Variants in ETS1 observed in about 807,000 individuals in gnomAD.
The protein encoded by ETS1 is ETS proto-oncogene 1, transcription factor.
In ETS1, 15 loss-of-function variants were observed where a neutral mutation model predicts 58.6. The observed-to-expected ratio is 0.26, with a 90% CI of 0.17 to 0.39. The LOEUF is 0.39. Among genes scored for constraint, ETS1 ranks in the 10% least tolerant of loss-of-function variants. The pLI is 1.00. For missense variants in ETS1, 417 were observed against 610.5 expected (o/e 0.68, Z 3.34); for synonymous variants, 214 against 218.2 (o/e 0.98, Z 0.17).
At chr11:128,539,128 C>T (rs948014992) in intron 3 of ETS1, among the ~76,000 whole-genome samples, 2 of 152,176 alleles carry the variant, frequency 1.3e-5, no homozygotes, top group Non-Finnish European at 2.9e-5. Flanking sequence ...ATCTTCATAA[C>T]CTTGTGTTGG....
chr11:128,548,813 C>T (rs1166395763), intron 3 of ETS1, among the ~76,000 whole-genome samples: 2 of 152,256 alleles, frequency 1.3e-5, no homozygotes, highest in African/African-American at 4.8e-5. Flanking sequence ...GGTTAACCCT[C>T]CCGCCCTGCG....
At chr11:128,576,982 GGT>G (rs777156741) in intron 1 of ETS1, among the ~76,000 whole-genome samples, 21 of 152,208 alleles carry the variant, frequency 1.4e-4, no homozygotes, top group Non-Finnish European at 3.1e-4. Flanking sequence ...TTTCTATCAC[GGT>G]GCTTATCACA....
chr11:128,518,878 G>A (rs7116578), intron 3 of ETS1, among the ~76,000 whole-genome samples: 138,150 of 152,268 alleles, frequency 0.91, 62,809 homozygotes, highest in South Asian at 0.97. Context: ...TATTCTTATA[G>A]AACAGCAAGT....
At chr11:128,495,870 A>G (rs1862925148) in intron 3 of ETS1, among the ~76,000 whole-genome samples, 1 of 152,216 alleles carries the variant, frequency 6.6e-6, no homozygotes, top group Non-Finnish European at 1.5e-5. Context: ...GGTGGTGTCT[A>G]TATCCCTCAT....
intron 3 of ETS1, among the ~76,000 whole-genome samples, chr11:128,514,620 T>C (rs375261000): frequency 6.6e-6 from 1 of 152,168 alleles, no homozygotes; most frequent in Admixed American, 6.5e-5. Context: ...CCAACAGTCA[T>C]TGATCCACAC....
chr11:128,559,081 TC>T (rs1864362553), intron 2 of ETS1, among the ~76,000 whole-genome samples: 1 of 152,252 alleles, frequency 6.6e-6, no homozygotes, highest in South Asian at 2.1e-4. Context: ...AAACAAAAGA[TC>T]CTCGTAAAGT....
At chr11:128,533,869 T>C (rs573252939) in intron 3 of ETS1, among the ~76,000 whole-genome samples, 2 of 152,212 alleles carry the variant, frequency 1.3e-5, no homozygotes, top group Non-Finnish European at 1.5e-5. Context: ...TTAATAAGTG[T>C]TGGAAGAATA....
intron 2 of ETS1, among the ~76,000 whole-genome samples, chr11:128,564,800 T>A (rs1864463071): frequency 6.6e-6 from 1 of 152,090 alleles, no homozygotes; most frequent in Non-Finnish European, 1.5e-5. Flanking sequence ...GGTATGGAGA[T>A]GGAGACTGAG....
intron 3 of ETS1, among the ~76,000 whole-genome samples, chr11:128,492,044 G>A (rs1209948229): frequency 6.6e-6 from 1 of 152,170 alleles, no homozygotes; most frequent in Non-Finnish European, 1.5e-5. Flanking sequence ...GCAAAGAAAT[G>A]AGCTGAGAAT....
chr11:128,466,603 T>C (rs1315845057), intron 8 of ETS1, among the ~76,000 whole-genome samples: 2 of 152,158 alleles, frequency 1.3e-5, no homozygotes, highest in African/African-American at 4.8e-5. Context: ...CCCTGCCCTT[T>C]CTCTGTGATG....
chr11:128,575,684 T>G (rs576051532), intron 1 of ETS1, among the ~76,000 whole-genome samples: 1 of 152,322 alleles, frequency 6.6e-6, no homozygotes, highest in South Asian at 2.1e-4. Context: ...GATAAGTAGT[T>G]GGCCAACAAT....
intron 8 of ETS1, among the ~76,000 whole-genome samples, chr11:128,476,048 G>A (rs1862315069): frequency 6.6e-6 from 1 of 152,144 alleles, no homozygotes. Flanking sequence ...ATGGCTTTGG[G>A]TTTAGCCTTT....
intron 3 of ETS1, among the ~76,000 whole-genome samples, chr11:128,524,540 TATA>T (rs1178759595): frequency 2.0e-5 from 3 of 152,232 alleles, no homozygotes; most frequent in African/African-American, 7.2e-5. Context: ...ATATTTAAGA[TATA>T]ATAATCTGAT....
At position 128,522,286 on chromosome 11, in the gene ETS1, G is replaced by T. The variant is rs1483459485; in HGVS notation, c.215-31710C>A. 5 of 1,112,986 alleles carry T rather than the reference G, an allele frequency of 4.5e-6. No homozygotes were observed. In the South Asian group the frequency reaches 9.8e-5, roughly 22 times the overall value. 68.9% of individuals were successfully genotyped at this position (1,112,986 alleles called of 1,614,324 possible). A position where few individuals can be genotyped will look rare whatever the true frequency, so the allele number is the denominator to read the frequency against. The stretch of plus-strand genomic sequence containing the variant: ...CGCCCGCTCCCTCCTCTCCGCCGGC[G>T]GCTGCCTCGTTCGCTCTCGATCTCC... On this transcript the variant is annotated intron_variant, in intron 3 of 9. Coordinates refer to ENST00000392668, the MANE Select transcript of ETS1 (RefSeq NM_001143820.2).
intron 3 of ETS1, among the ~76,000 whole-genome samples, chr11:128,525,559 T>A (rs1413662887): frequency 6.9e-6 from 1 of 144,024 alleles, no homozygotes; most frequent in African/African-American, 2.6e-5. Flanking sequence ...CACTAACGGC[T>A]GATCCAGAAC....
intron 3 of ETS1, among the ~76,000 whole-genome samples, chr11:128,506,848 T>G (rs1863250602): frequency 6.6e-6 from 1 of 152,180 alleles, no homozygotes; most frequent in Admixed American, 6.5e-5. Context: ...CCACAGGTTC[T>G]AGGAGACGAA....
rs188961516 is a variant in ETS1 at position 128,510,944 on chromosome 11, T to G, written c.215-20368A>C. Among the ~76,000 whole-genome samples the G allele has an allele frequency of 3.6e-4, 55 of 152,374 alleles. 1 individual carries two copies. The highest frequency in any genetic ancestry group is 1.2e-4 in the Non-Finnish European group (8 of 68,040). On this transcript the variant is annotated intron_variant, in intron 3 of 9. Transcript: ENST00000392668. Reference sequence around the variant, plus strand: ...TTTGGTAAGGAACAACACATTGTTTTAGAGAGATAATCTGACATAACTCTG... The same window carrying G: ...TTTGGTAAGGAACAACACATTGTTTGAGAGAGATAATCTGACATAACTCTG...
At chr11:128,566,680 G>A (rs184213611) in intron 2 of ETS1, among the ~76,000 whole-genome samples, 2 of 152,164 alleles carry the variant, frequency 1.3e-5, no homozygotes, top group East Asian at 3.9e-4. Flanking sequence ...CTACTCAGGA[G>A]GCTGAGGCAG....
intron 8 of ETS1, among the ~76,000 whole-genome samples, chr11:128,466,367 G>C (rs1862035584): frequency 6.6e-6 from 1 of 152,202 alleles, no homozygotes; most frequent in African/African-American, 2.4e-5. Flanking sequence ...CTTTGGCAGG[G>C]AGCTGTCAGC....
Sources: gnomAD v4.1 joint callset for allele counts (sites outside exome capture counted in the v4.1 genomes callset) on GRCh38, gnomAD v4.1.1 for gene constraint, MANE v1.5 for transcripts, NCBI Gene and HGNC (gene_info 2026-07-23, HGNC 2026-07-21) for gene names.